The following DKKL1 variants were observed in gnomAD, a reference collection of about 807,000 sequenced individuals.
The protein encoded by DKKL1 is dickkopf-like protein 1.
Under a neutral mutation model 16.5 loss-of-function variants are expected in DKKL1, and 11 were observed. The ratio of observed to expected loss-of-function variants is 0.67; its 90% CI spans 0.42 to 1.10. The LOEUF is 1.10. Ranked by LOEUF, DKKL1 falls within the 50% of genes least tolerant of loss-of-function variation. DKKL1 has a pLI of 0.00. For missense variants in DKKL1, 320 were observed against 308.1 expected (o/e 1.04, Z -0.29); for synonymous variants, 119 against 133.2 (o/e 0.89, Z 0.73).
chr19:49,363,612 C>T, upstream of DKKL1: 2 of 338,402 alleles, frequency 5.9e-6, no homozygotes, highest in South Asian at 4.9e-5. Flanking sequence ...AATCAGAGAA[C>T]ACCGCCAGGA....
At chr19:49,370,518 C>T (rs1313442987) in intron 4 of DKKL1, 2 of 151,884 alleles carry the variant, frequency 1.3e-5, no homozygotes, top group Non-Finnish European at 2.9e-5. Context: ...TGGTGGAAGA[C>T]CTTGCCAACA....
At chr19:49,368,809 A>T (rs1056203370) in intron 4 of DKKL1, 3 of 152,220 alleles carry the variant, frequency 2.0e-5, no homozygotes, top group African/African-American at 7.2e-5. Flanking sequence ...GGAAATAAGT[A>T]CCTTCTGTGT....
At chr19:49,365,749 G>A in intron 3 of DKKL1, 44 bp from the exon 4 acceptor site, 2 of 1,606,662 alleles carry the variant, frequency 1.2e-6, no homozygotes, top group East Asian at 2.2e-5. Context: ...GAGGGCGGAG[G>A]AGGAAAGCAG....
intron 4 of DKKL1, chr19:49,370,549 T>C (rs1007118039): frequency 6.9e-6 from 1 of 145,350 alleles, no homozygotes; most frequent in Non-Finnish European, 1.5e-5. Flanking sequence ...TGGGGATGTT[T>C]TGCTAAATTT....
chr19:49,363,420 G>C (rs1395212034), upstream of DKKL1, among the ~76,000 whole-genome samples: 1 of 152,230 alleles, frequency 6.6e-6, no homozygotes, highest in Non-Finnish European at 1.5e-5. Flanking sequence ...GAGCTAAAAG[G>C]GATGCTTGTA....
chr19:49,375,060 C>G lies in DKKL1; in HGVS notation c.*32C>G, dbSNP rs1208171574. 1 of 1,557,326 alleles carries G rather than the reference C, an allele frequency of 6.4e-7. No homozygotes were observed. The highest frequency in any genetic ancestry group is 1.4e-5 in the African/African-American group (1 of 73,438). On this transcript the variant is annotated 3_prime_UTR_variant, in exon 5 of 5. Transcript: ENST00000221498. ...GGACCGGGGAGCACCTGCCTGTAGC[C>G]CCCATCAGACCCTGCCCCAAGCACC...
At chr19:49,364,061 T>TG in intron 1 of DKKL1, 53 bp downstream of exon 1, 10 of 1,607,060 alleles carry the variant, frequency 6.2e-6, no homozygotes, top group Non-Finnish European at 7.7e-6. Context: ...AAAAGACCAT[T>TG]GGATGAGGCC....
intron 4 of DKKL1, among the ~76,000 whole-genome samples, chr19:49,373,844 T>G (rs997987089): frequency 7.2e-5 from 11 of 152,116 alleles, no homozygotes; most frequent in African/African-American, 2.7e-4. Context: ...GCAGACTGAT[T>G]CAGCAGGTCT....
chr19:49,364,693 G>C lies in DKKL1; in HGVS notation c.122G>C (p.Ser41Thr). Reference protein sequence around the residue: ...APIHDADAQESSLGLTGLQSL... With the variant: ...APIHDADAQETSLGLTGLQSL... The stretch of plus-strand genomic sequence containing the variant: ...ATCCATGATGCTGACGCCCAAGAGA[G>C]CTCCTTGGGTCTCACAGGCCTCCAG... The change falls in exon 2 of 5, where the codon AGC becomes ACC. Residue 41 changes from serine (S) to threonine (T), a missense_variant. Transcript: ENST00000221498. The C allele has an allele frequency of 1.2e-6, 2 of 1,614,186 alleles. No homozygotes were observed. Among genetic ancestry groups the C allele is most frequent in the Non-Finnish European group, 1.7e-6 (2 of 1,180,026 alleles).
intron 4 of DKKL1, among the ~76,000 whole-genome samples, chr19:49,368,354 GTGTGTGCTGTGGTTCCAGCTAC>G (rs1046102313): frequency 4.6e-4 from 69 of 151,560 alleles, no homozygotes; most frequent in African/African-American, 1.6e-3. Context: ...AGGTGTGGTG[GTGTGTGCTGTGGTTCCAGCTAC>G]CCAGAAGCCT....
chr19:49,364,443 G>T, intron 1 of DKKL1, 139 bp from the exon 2 acceptor site: 3 of 681,248 alleles, frequency 4.4e-6, no homozygotes, highest in Non-Finnish European at 7.3e-6. Context: ...GGGAGTAGAA[G>T]AAAGAAGCAG....
intron 4 of DKKL1, among the ~76,000 whole-genome samples, chr19:49,371,593 C>G (rs1364834833): frequency 7.0e-6 from 1 of 143,058 alleles, no homozygotes; most frequent in African/African-American, 3.0e-5. Flanking sequence ...ATCCATGGTA[C>G]AGTAAGTTAT....
At chr19:49,361,059 CAGAGACCCAGAGAGAGGGA>C (rs1972859511), upstream of DKKL1, among the ~76,000 whole-genome samples, 1 of 95,868 alleles carries the variant, frequency 1.0e-5, no homozygotes, top group Admixed American at 1.5e-4. Context: ...GAGAGGGGGA[CAGAGACCCAGAGAGAGGGA>C]CAGAGACCCA....
chr19:49,363,432 T>TC (rs1165000419), upstream of DKKL1, among the ~76,000 whole-genome samples: 1 of 152,226 alleles, frequency 6.6e-6, no homozygotes, highest in African/African-American at 2.4e-5. Context: ...ATGCTTGTAC[T>TC]CCGGTGTCTC....
At chr19:49,361,129 G>T (rs1245783751), upstream of DKKL1, among the ~76,000 whole-genome samples, 1 of 104,206 alleles carries the variant, frequency 9.6e-6, no homozygotes, top group African/African-American at 3.9e-5. Flanking sequence ...GGGGGAGACA[G>T]AGACCAGAAA....
At chr19:49,365,142 G>A (rs574835977) in intron 2 of DKKL1, among the ~76,000 whole-genome samples, 1 of 152,224 alleles carries the variant, frequency 6.6e-6, no homozygotes, top group African/African-American at 2.4e-5. Flanking sequence ...CTCCAGCCTG[G>A]ATGACAGAAC....
In DKKL1 at chr19:49,365,610, G is replaced by A. The variant is rs1323705695; in HGVS notation, c.285G>A (p.Leu95=). ...AAGAGGAGAACCAGGAGCACCAGCT[G>A]GGGAACAACACCCTCTCCAGCCACC... ...YHKEENQEHQ[L]GNNTLSSHLQ... The change falls in exon 3 of 5, where the codon CTG becomes CTA. Residue 95 remains leucine, a synonymous_variant. Coordinates refer to ENST00000221498, the MANE Select transcript of DKKL1 (RefSeq NM_014419.4). 1.2e-6 allele frequency: 2 copies of A among 1,613,576 alleles called. No homozygotes were observed. The highest frequency in any genetic ancestry group is 1.3e-5 in the African/African-American group (1 of 74,904).
At chr19:49,368,027 A>C (rs544261804) in intron 4 of DKKL1, among the ~76,000 whole-genome samples, 40 of 151,902 alleles carry the variant, frequency 2.6e-4, no homozygotes, top group Non-Finnish European at 5.2e-4. Flanking sequence ...AAATTTAAAA[A>C]GTAGGCCAGG....
chr19:49,373,162 G>A (rs1229291444), intron 4 of DKKL1, among the ~76,000 whole-genome samples: 1 of 151,958 alleles, frequency 6.6e-6, no homozygotes, highest in African/African-American at 2.4e-5. Context: ...AAATTAGCTG[G>A]CATGGTGCCA....
Sources: allele counts gnomAD v4.1 joint callset (sites outside exome capture counted in the v4.1 genomes callset), GRCh38; gene constraint gnomAD v4.1.1; transcripts MANE v1.5; gene names NCBI Gene and HGNC (gene_info 2026-07-23, HGNC 2026-07-21).